The following RERE variants were observed in gnomAD, a reference collection of about 807,000 sequenced individuals.
RERE encodes arginine-glutamic acid dipeptide repeats, also known as arginine-glutamic acid dipeptide repeats protein.
RERE carries 40 observed loss-of-function variants against 146.1 expected under a neutral mutation model. That is an observed-to-expected ratio of 0.27 (90% confidence interval 0.21 to 0.36). The LOEUF is 0.36. Among genes scored for constraint, RERE ranks in the 10% least tolerant of loss-of-function variants. The pLI, the probability that RERE is intolerant of heterozygous loss-of-function variation, is 1.00. For missense variants in RERE, 1,933 were observed against 2,138.7 expected (o/e 0.90, Z 1.90); for synonymous variants, 1,003 against 866.0 (o/e 1.16, Z -2.78).
intron 1 of RERE, among the ~76,000 whole-genome samples, chr1:8,804,881 T>G (rs1641654741): frequency 6.6e-6 from 1 of 152,192 alleles, no homozygotes; most frequent in South Asian, 2.1e-4. Flanking sequence ...CCATTGTTAT[T>G]TTTGGTTTCT....
chr1:8,501,073 T>C (rs1353593131), intron 8 of RERE, among the ~76,000 whole-genome samples: 6 of 94,364 alleles, frequency 6.4e-5, no homozygotes, highest in Non-Finnish European at 6.3e-5. Flanking sequence ...AGCCGCCCCG[T>C]CCGGGAGGTG....
intron 8 of RERE, among the ~76,000 whole-genome samples, chr1:8,501,318 G>C (rs1265578647): frequency 8.7e-6 from 1 of 114,978 alleles, no homozygotes; most frequent in Non-Finnish European, 1.8e-5. Flanking sequence ...CAGCCGCCCC[G>C]TCCGGGAGGG....
chr1:8,416,510 T>C (rs545074550), intron 12 of RERE, among the ~76,000 whole-genome samples: 309 of 141,408 alleles, frequency 2.2e-3, no homozygotes, highest in Non-Finnish European at 2.8e-3. Context: ...GGCGTGAACC[T>C]GGGAGGCGGA....
At chr1:8,400,222 ATGTGTGTG>A (rs1553161719) in intron 12 of RERE, among the ~76,000 whole-genome samples, 8 of 140,062 alleles carry the variant, frequency 5.7e-5, no homozygotes, top group African/African-American at 1.8e-4. Context: ...CCTGTGTCAT[ATGTGTGTG>A]TGTGTGTGTG....
At position 8,719,827 on chromosome 1, in the gene RERE, T is replaced by G. The variant is rs1038642360; in HGVS notation, c.-144-63386A>C. ...ATCACCTCCTTATTACTGTCACCTC[T>G]CTACCCTCCATATAATTCTACTGCT... On this transcript the variant is annotated intron_variant, in intron 1 of 22. Coordinates refer to ENST00000400908, the MANE Select transcript of RERE (RefSeq NM_001042681.2). Among the ~76,000 whole-genome samples, 15 of 152,278 alleles carry G rather than the reference T, an allele frequency of 9.9e-5. No homozygotes were observed. The East Asian group carries it at 1.7e-3, about 18-fold the overall frequency.
At position 8,422,803 on chromosome 1, in the gene RERE, C is replaced by A; in HGVS notation, c.1208G>T (p.Arg403Leu). ...EKCWTEDEVKRFVKGLRQYGK... is the reference protein window; with the variant it reads ...EKCWTEDEVKLFVKGLRQYGK... ...GTACTGCCTGAGTCCCTTAACGAAG[C>A]GTTTCTGTGATAAAAAGAAACAAAT... Residue 403 changes from arginine to leucine, a missense_variant, in exon 12 of 23, where the codon CGC becomes CTC. By Grantham distance (102) the Arg-to-Leu change is moderately radical (BLOSUM62 -2). Coordinates refer to ENST00000400908, the MANE Select transcript of RERE (RefSeq NM_001042681.2). The A allele has an allele frequency of 6.2e-7, 1 of 1,612,736 alleles. No homozygotes were observed. The highest frequency in any genetic ancestry group is 8.5e-7 in the Non-Finnish European group (1 of 1,178,972).
intron 1 of RERE, among the ~76,000 whole-genome samples, chr1:8,815,132 C>G (rs1228565015): frequency 6.6e-6 from 1 of 152,182 alleles, no homozygotes; most frequent in Non-Finnish European, 1.5e-5. Flanking sequence ...ATCCTTGGGC[C>G]ACAGCTGGGT....
At chr1:8,604,067 A>C (rs1358842696) in intron 4 of RERE, among the ~76,000 whole-genome samples, 1 of 152,214 alleles carries the variant, frequency 6.6e-6, no homozygotes, top group East Asian at 1.9e-4. Flanking sequence ...CATCCATCAG[A>C]ATCTCCTGAG....
intron 3 of RERE, among the ~76,000 whole-genome samples, chr1:8,618,332 T>A (rs1186572609): frequency 6.6e-6 from 1 of 152,156 alleles, no homozygotes; most frequent in East Asian, 1.9e-4. Context: ...GAGGCTTAAG[T>A]GTATTTCCTA....
chr1:8,358,842 G>A lies in RERE; in HGVS notation c.3693C>T (p.Ser1231=), dbSNP rs1251979826. The part of the protein sequence containing the change: ...QLSGPGHMRP[S]FEPPPTTIAA... Reference sequence around the variant, plus strand: ...CAATGGTGGTTGGTGGTGGCTCGAAGGATGGCCGCATGTGGCCAGGACCAC... The same window carrying A: ...CAATGGTGGTTGGTGGTGGCTCGAAAGATGGCCGCATGTGGCCAGGACCAC... The change falls in exon 20 of 23, where the codon TCC becomes TCT. Residue 1231 remains serine (S), a synonymous_variant. Coordinates refer to ENST00000400908, the MANE Select transcript of RERE (RefSeq NM_001042681.2). The A allele has an allele frequency of 1.2e-6, 2 of 1,605,624 alleles. No homozygotes were observed. The highest frequency in any genetic ancestry group is 1.7e-6 in the Non-Finnish European group (2 of 1,175,580).
chr1:8,786,768 A>C lies in RERE; in HGVS notation c.-145+30392T>G, dbSNP rs865803876. 5.6e-5 allele frequency: 44 copies of C among 784,076 alleles called. No homozygotes were observed. The Middle Eastern group carries it at 3.5e-3, about 62-fold the overall frequency. 48.6% of individuals were successfully genotyped at this position (784,076 alleles called of 1,614,324 possible). On this transcript the variant is annotated intron_variant, in intron 1 of 22. Transcript: ENST00000400908. Reference sequence around the variant, plus strand: ...TGTACATCTGCCTATATTCCTTGTGATAGCACTATGCTTTTTCATAAATAA... The same window carrying C: ...TGTACATCTGCCTATATTCCTTGTGCTAGCACTATGCTTTTTCATAAATAA...
At chr1:8,511,464 G>A (rs1004678858) in intron 7 of RERE, among the ~76,000 whole-genome samples, 4 of 152,192 alleles carry the variant, frequency 2.6e-5, no homozygotes, top group Non-Finnish European at 5.9e-5. Context: ...TTTTGAGCAG[G>A]TAGGATCTGA....
intron 4 of RERE, among the ~76,000 whole-genome samples, chr1:8,604,622 GAGGAAGGAAGGAAGGAAGGA>G (rs1178725565): frequency 2.2e-4 from 10 of 46,466 alleles, no homozygotes; most frequent in Admixed American, 1.6e-3. Flanking sequence ...GGGAGGGAGG[GAGGAAGGAAGGAAGGAAGGA>G]AGGAAGGAAG....
intron 11 of RERE, among the ~76,000 whole-genome samples, chr1:8,430,710 G>C (rs1275189449): frequency 6.6e-6 from 1 of 152,204 alleles, no homozygotes; most frequent in Non-Finnish European, 1.5e-5. Flanking sequence ...AGGCCTTCAG[G>C]CTTCTGTGCA....
intron 1 of RERE, among the ~76,000 whole-genome samples, chr1:8,814,734 T>C (rs1453930831): frequency 1.3e-5 from 2 of 152,188 alleles, no homozygotes; most frequent in Non-Finnish European, 1.5e-5. Context: ...AGACTGCTGG[T>C]GTATATAGTT....
chr1:8,666,485 C>CTACA (rs1638577025), intron 1 of RERE, among the ~76,000 whole-genome samples: 1 of 152,218 alleles, frequency 6.6e-6, no homozygotes, highest in Non-Finnish European at 1.5e-5. Flanking sequence ...AACAGGCACC[C>CTACA]TACAGCTGGG....
intron 1 of RERE, among the ~76,000 whole-genome samples, chr1:8,798,984 G>A (rs374814744): frequency 1.5e-4 from 23 of 150,706 alleles, no homozygotes; most frequent in African/African-American, 5.4e-4. Flanking sequence ...GAGCCACTGT[G>A]CCCGGCCTTT....
At chr1:8,774,810 C>A (rs1641028630) in intron 1 of RERE, among the ~76,000 whole-genome samples, 1 of 152,106 alleles carries the variant, frequency 6.6e-6, no homozygotes, top group Non-Finnish European at 1.5e-5. Context: ...CGTGCTCATT[C>A]ATTGGTGGGT....
chr1:8,540,502 C>T (rs938766227), intron 7 of RERE, among the ~76,000 whole-genome samples: 2 of 152,148 alleles, frequency 1.3e-5, no homozygotes, highest in South Asian at 2.1e-4. Context: ...GGCTAACATC[C>T]TGTTTTTAAA....
Sources: gnomAD v4.1 joint callset for allele counts (sites outside exome capture counted in the v4.1 genomes callset) on GRCh38, gnomAD v4.1.1 for gene constraint, MANE v1.5 for transcripts, NCBI Gene and HGNC (gene_info 2026-07-23, HGNC 2026-07-21) for gene names.